The following NEBL variants were observed in gnomAD, a reference collection of about 807,000 sequenced individuals.
NEBL encodes the protein nebulette.
NEBL carries 122 observed loss-of-function variants against 140.2 expected under a neutral mutation model. The observed-to-expected ratio is 0.87, with a 90% CI of 0.75 to 1.01. The LOEUF (loss-of-function observed/expected upper bound fraction) is 1.01, where lower values mean the gene tolerates loss of function less well. Among genes scored for constraint, NEBL ranks in the 50% least tolerant of loss-of-function variants. NEBL has a pLI of 0.00. For synonymous variants in NEBL, 436 were observed against 398.9 expected, an observed-to-expected ratio of 1.09 and a Z score of -1.11; for missense variants, 1,365 against 1,231.3, an observed-to-expected ratio of 1.11 and a Z score of -1.62.
At chr10:20,802,223 C>G (rs886656174) in intron 26 of NEBL, among the ~76,000 whole-genome samples, 1 of 152,196 alleles carries the variant, frequency 6.6e-6, no homozygotes, top group Non-Finnish European at 1.5e-5. Context: ...AGCAGATACA[C>G]ATTGCAGGCA....
In NEBL at chr10:21,216,469, CA is replaced by C. The variant is rs1352257284; in HGVS notation, n.348+31451del. On this transcript the variant is annotated intron_variant and non_coding_transcript_variant, in intron 3 of 8. Coordinates refer to the NEBL transcript ENST00000675702. ...CGGAGTTCAAGACCAGCCTGGCCAA[CA>C]TGATGAAAACCCATCTCTTGGGCCA... is the stretch of plus-strand genomic sequence containing the variant. Among the ~76,000 whole-genome samples the C allele has an allele frequency of 2.0e-5, 3 of 152,134 alleles. No individual in the cohort carries two copies. The East Asian group carries it at 5.8e-4, about 29-fold the overall frequency.
chr10:20,878,940 A>G (rs1359640656), intron 5 of NEBL, among the ~76,000 whole-genome samples: 1 of 152,176 alleles, frequency 6.6e-6, no homozygotes, highest in Admixed American at 6.5e-5. Context: ...ATTGAATTAT[A>G]GAGTTGGAAA....
intron 19 of NEBL, among the ~76,000 whole-genome samples, chr10:20,820,486 T>G (rs1160639262): frequency 2.6e-5 from 4 of 152,190 alleles, no homozygotes; most frequent in Non-Finnish European, 4.4e-5. Context: ...GTTAGGGAAT[T>G]TTCTTTTACA....
In NEBL at chr10:20,783,999, A is replaced by G. The variant is rs1186705362; in HGVS notation, c.*1748T>C. On this transcript the variant is annotated 3_prime_UTR_variant, in exon 28 of 28. Coordinates refer to ENST00000377122, the MANE Select transcript of NEBL (RefSeq NM_006393.3). ...TACCCTTTTAGCCTAATAAAATGAAATCACAGATTTTCAAAAGCATGTGCT... is the reference window on the plus strand; with the variant it reads ...TACCCTTTTAGCCTAATAAAATGAAGTCACAGATTTTCAAAAGCATGTGCT... The G allele has an allele frequency of 3.3e-5, 5 of 152,222 alleles. No homozygotes were observed. The highest frequency in any genetic ancestry group is 7.3e-5 in the Non-Finnish European group (5 of 68,044). 9.4% of individuals were successfully genotyped at this position (152,222 alleles called of 1,614,324 possible). A position where few individuals can be genotyped will look rare whatever the true frequency, so the allele number is the denominator to read the frequency against.
At position 21,278,111 on chromosome 10, in the gene NEBL, T is replaced by G. The variant is rs1478964622; in HGVS notation, n.182+14719A>C. ...AGCACCACAGAACATTCTGGTTGAC[T>G]GAACCAGAATATGTGGCCTCAAAGC... On this transcript the variant is annotated intron_variant and non_coding_transcript_variant, in intron 1 of 8. Coordinates refer to the NEBL transcript ENST00000675702. Among the ~76,000 whole-genome samples the G allele has an allele frequency of 2.0e-5, 3 of 152,226 alleles. No homozygotes were observed. In the East Asian group the frequency reaches 5.8e-4, roughly 29 times the overall value.
At chr10:21,193,925 T>C (rs1258796083) in intron 3 of NEBL, among the ~76,000 whole-genome samples, 3 of 152,224 alleles carry the variant, frequency 2.0e-5, no homozygotes, top group African/African-American at 7.2e-5. Flanking sequence ...TATCATGATA[T>C]TTCTCCCATT....
At chr10:21,246,433 T>C (rs1332773176) in intron 3 of NEBL, among the ~76,000 whole-genome samples, 2 of 152,200 alleles carry the variant, frequency 1.3e-5, no homozygotes, top group African/African-American at 4.8e-5. Context: ...ATTCTATTCA[T>C]ATTTGCCAAA....
chr10:21,246,030 G>T (rs917020300), intron 3 of NEBL, among the ~76,000 whole-genome samples: 2 of 152,210 alleles, frequency 1.3e-5, no homozygotes, highest in Non-Finnish European at 2.9e-5. Flanking sequence ...TTCCTTCTGT[G>T]TCCCCACACA....
intron 2 of NEBL, among the ~76,000 whole-genome samples, chr10:21,160,132 T>A (rs1353587443): frequency 6.6e-6 from 1 of 152,156 alleles, no homozygotes; most frequent in Non-Finnish European, 1.5e-5. Flanking sequence ...AAGGTTCTTT[T>A]ACAGTCAATC....
At chr10:20,884,312 A>G (rs1306579353) in intron 4 of NEBL, among the ~76,000 whole-genome samples, 3 of 152,164 alleles carry the variant, frequency 2.0e-5, no homozygotes, top group African/African-American at 7.2e-5. Context: ...CCCGGGCTCA[A>G]GAGATCTGCC....
chr10:20,853,903 CAGAA>C, intron 9 of NEBL, among the ~76,000 whole-genome samples: 1 of 152,214 alleles, frequency 6.6e-6, no homozygotes, highest in Admixed American at 6.5e-5. Flanking sequence ...ATGTTCCTAA[CAGAA>C]AGAAACGACA....
Position 20,879,689 on chromosome 10 carries a change from C to A in NEBL, c.480+1105G>T, listed in dbSNP as rs76392216. Reference sequence around the variant, plus strand: ...GACTGGATGTGAGATGGCAACTGTACTTCAGGTACTTTTCCAAGAAAGGGA... The same window carrying A: ...GACTGGATGTGAGATGGCAACTGTAATTCAGGTACTTTTCCAAGAAAGGGA... On this transcript the variant is annotated intron_variant, in intron 5 of 27. Coordinates refer to ENST00000377122, the MANE Select transcript of NEBL (RefSeq NM_006393.3). Among the ~76,000 whole-genome samples, 366 of 152,266 alleles carry A rather than the reference C, an allele frequency of 2.4e-3. 12 individuals carry two copies. The East Asian group carries it at 0.053, about 22-fold the overall frequency.
chr10:21,169,043 C>T lies in NEBL; in HGVS notation c.164+3340G>A, dbSNP rs868069932. ...CAGCCTGCGCTACAGAGTGAGACTC[C>T]GTCTACAAAAAAAAAAAAAAAAAAA... On this transcript the variant is annotated intron_variant, in intron 2 of 6. Coordinates refer to the NEBL transcript ENST00000417816. Among the ~76,000 whole-genome samples the T allele has an allele frequency of 4.3e-3, 248 of 58,010 alleles. 1 individual carries two copies. The highest frequency in any genetic ancestry group is 0.015 in the African/African-American group (198 of 13,394). The allele number at this position is 58,010 out of a possible 152,430, so 38.1% of individuals were successfully genotyped here. A position where few individuals can be genotyped will look rare whatever the true frequency, so the allele number is the denominator to read the frequency against.
chr10:20,977,480 G>T (rs1032187894), intron 3 of NEBL, among the ~76,000 whole-genome samples: 1 of 152,040 alleles, frequency 6.6e-6, no homozygotes, highest in South Asian at 2.1e-4. Flanking sequence ...AACTGATAAC[G>T]GCTCACACAA....
At chr10:21,106,760 T>A (rs188581092) in intron 2 of NEBL, among the ~76,000 whole-genome samples, 2 of 152,332 alleles carry the variant, frequency 1.3e-5, no homozygotes, top group East Asian at 3.9e-4. Flanking sequence ...GTATTGAATG[T>A]ATAAATTACC....
At chr10:21,174,374 G>A (rs1173449584), upstream of NEBL, 2 of 152,692 alleles carry the variant, frequency 1.3e-5, no homozygotes, top group African/African-American at 4.8e-5. Flanking sequence ...GGGAGCCCAG[G>A]TGGGCGGCGG....
Position 21,214,600 on chromosome 10 carries a change from TACACATGCAC to T in NEBL, n.348+33311_348+33320del, listed in dbSNP as rs1251739751. 7.4e-5 allele frequency among the ~76,000 whole-genome samples: 11 copies of T among 149,224 alleles called. No individual in the cohort carries two copies. The East Asian group carries it at 9.9e-4, about 13-fold the overall frequency. On this transcript the variant is annotated intron_variant and non_coding_transcript_variant, in intron 3 of 8. Coordinates refer to the NEBL transcript ENST00000675702. ...CACACATGCACATTACACACACATA[TACACATGCAC>T]ACACATGCACACATATGCACATTAC... is the stretch of plus-strand genomic sequence containing the variant.
At chr10:20,982,224 A>G (rs960941) in intron 3 of NEBL, among the ~76,000 whole-genome samples, 32,593 of 152,132 alleles carry the variant, frequency 0.21, 6,947 homozygotes, top group African/African-American at 0.54. Context: ...ATTCGGAAAC[A>G]TCGTCAAATG....
upstream of NEBL, among the ~76,000 whole-genome samples, chr10:21,178,665 C>T (rs997764236): frequency 2.0e-5 from 3 of 152,152 alleles, no homozygotes; most frequent in Non-Finnish European, 4.4e-5. Context: ...ACTTCAATGC[C>T]CCAACATAGC....
Sources: allele counts gnomAD v4.1 joint callset (sites outside exome capture counted in the v4.1 genomes callset), GRCh38; gene constraint gnomAD v4.1.1; transcripts MANE v1.5; gene names NCBI Gene and HGNC (gene_info 2026-07-23, HGNC 2026-07-21).